The following RUNX2 variants were observed in gnomAD, a reference collection of about 807,000 sequenced individuals.
RUNX2 encodes RUNX family transcription factor 2.
RUNX2 carries 10 observed loss-of-function variants against 51.7 expected under a neutral mutation model. That is an observed-to-expected ratio of 0.19 (90% confidence interval 0.12 to 0.33). The LOEUF is 0.33. Ranked by LOEUF, RUNX2 falls within the 10% of genes least tolerant of loss-of-function variation. The probability of loss-of-function intolerance (pLI) is 1.00; values close to 1 mark genes in which losing one functional copy is unlikely to be tolerated. For missense variants in RUNX2, 562 were observed against 691.3 expected (o/e 0.81, Z 2.10); for synonymous variants, 276 against 273.6 (o/e 1.01, Z -0.09).
At chr6:45,343,057 T>A (rs1356623992) in intron 2 of RUNX2, among the ~76,000 whole-genome samples, 3 of 152,172 alleles carry the variant, frequency 2.0e-5, no homozygotes, top group Admixed American at 6.5e-5. Flanking sequence ...AAGTTTCCAG[T>A]TAAATAAAAT....
rs779082630 is a variant in RUNX2, at chr6:45,512,398, C to T, written c.1012C>T (p.Arg338Cys). 13 of 1,613,848 alleles carry T rather than the reference C, an allele frequency of 8.1e-6. No homozygotes were observed. The highest frequency in any genetic ancestry group is 6.7e-5 in the East Asian group (3 of 44,872). The change falls in exon 7 of 9, where the codon CGC (arginine) becomes TGC (cysteine). Residue 338 changes from arginine to cysteine, a missense_variant. By Grantham distance (180) the Arg-to-Cys change is radical. Around this residue, in one of 5 missense-constraint regions of RUNX2, gnomAD observed 304 missense variants for 353.2 expected, o/e 0.86. Transcript: ENST00000647337. ...TCCTGCCATCACCGATGTGCCTAGG[C>T]GCATTTCAGGTAAAGACCGTGCTTT... ...GLPAITDVPRRISDDDTATSD... is the reference protein window; with the variant it reads ...GLPAITDVPRCISDDDTATSD...
Position 45,432,062 on chromosome 6 carries a change from T to A in RUNX2, c.580+43T>A, listed in dbSNP as rs773194104. The A allele has an allele frequency of 8.8e-6, 14 of 1,584,468 alleles. No individual in the cohort carries two copies. The Admixed American group carries it at 2.4e-4, about 27-fold the overall frequency. ...GATACTGATAATAGAATAAGCACATTAGGCTCCTTTGATGAAATGTAGACT... is the reference window on the plus strand; with the variant it reads ...GATACTGATAATAGAATAAGCACATAAGGCTCCTTTGATGAAATGTAGACT... On this transcript the variant is annotated intron_variant, in intron 4 of 8. Transcript: ENST00000647337.
Position 45,480,609 on chromosome 6 carries a change from G to A in RUNX2, c.686-11332G>A, listed in dbSNP as rs1025183062. Among the ~76,000 whole-genome samples the A allele has an allele frequency of 9.8e-5, 15 of 152,344 alleles. 1 individual carries two copies. The highest frequency in any genetic ancestry group is 9.8e-4 in the Admixed American group (15 of 15,302). On this transcript the variant is annotated intron_variant, in intron 5 of 8. Transcript: ENST00000647337. ...TTCACTGGTTAGAAGACACTGACAT[G>A]TGCCTATGCACTGTATTAATGTCTA... is the stretch of plus-strand genomic sequence containing the variant.
chr6:45,448,158 G>A (rs1219119430), intron 5 of RUNX2, among the ~76,000 whole-genome samples: 1 of 152,226 alleles, frequency 6.6e-6, no homozygotes, highest in Non-Finnish European at 1.5e-5. Context: ...CAGAGGGAAT[G>A]TTCCTGCAGA....
chr6:45,424,234 C>T (rs3792952), intron 3 of RUNX2, among the ~76,000 whole-genome samples: 12,149 of 152,262 alleles, frequency 0.08, 712 homozygotes, highest in South Asian at 0.18. Context: ...CTCACAGTAG[C>T]CCGATGGCTC....
chr6:45,530,737 G>A (rs1250515842), intron 7 of RUNX2, among the ~76,000 whole-genome samples: 1 of 152,164 alleles, frequency 6.6e-6, no homozygotes, highest in Non-Finnish European at 1.5e-5. Flanking sequence ...CAGAGAGTGA[G>A]GGAATTAAAA....
intron 5 of RUNX2, among the ~76,000 whole-genome samples, chr6:45,469,298 T>C (rs1033206897): frequency 6.6e-6 from 1 of 152,240 alleles, no homozygotes; most frequent in Non-Finnish European, 1.5e-5. Flanking sequence ...AGTGAATGTT[T>C]ATCGGGTAAA....
In RUNX2 at chr6:45,530,524, C is replaced by T. The variant is rs905165726; in HGVS notation, c.1022-14693C>T. 3.3e-5 allele frequency among the ~76,000 whole-genome samples: 5 copies of T among 152,278 alleles called. No individual in the cohort carries two copies. The East Asian group carries it at 9.7e-4, about 29-fold the overall frequency. ...AGTATCCTATTGCATATGAAGAGGT[C>T]CATGGTCCAGTGCAGTTAGATGACA... On this transcript the variant is annotated intron_variant, in intron 7 of 8. Coordinates refer to ENST00000647337, the MANE Select transcript of RUNX2 (RefSeq NM_001024630.4).
intron 2 of RUNX2, among the ~76,000 whole-genome samples, chr6:45,372,343 G>T (rs192947614): frequency 6.6e-6 from 1 of 152,284 alleles, no homozygotes; most frequent in Non-Finnish European, 1.5e-5. Context: ...TGATGATGAT[G>T]ATTAACTCAT....
At chr6:45,331,126 TGCGCGCGCGCGCGCACATG>T (rs1418505294) in intron 2 of RUNX2, among the ~76,000 whole-genome samples, 1 of 132,916 alleles carries the variant, frequency 7.5e-6, no homozygotes, top group Non-Finnish European at 1.7e-5. Flanking sequence ...TGTGTGTGTG[TGCGCGCGCGCGCGCACATG>T]CTAGAGAAAG....
chr6:45,461,864 T>C (rs1799487047), intron 5 of RUNX2, among the ~76,000 whole-genome samples: 1 of 152,160 alleles, frequency 6.6e-6, no homozygotes. Flanking sequence ...GAATTATCGA[T>C]ATTAATTGGT....
In RUNX2 at chr6:45,536,910, G is replaced by A. The variant is rs142996048; in HGVS notation, c.1022-8307G>A. Among the ~76,000 whole-genome samples, 18 of 152,294 alleles carry A rather than the reference G, an allele frequency of 1.2e-4. No homozygotes were observed. The East Asian group carries it at 2.7e-3, about 23-fold the overall frequency. ...AGAGTTTGGCTGGACCTGCAGCTGG[G>A]TGTGTGGGGTTAATCACGAATTTCA... On this transcript the variant is annotated intron_variant, in intron 7 of 8. Transcript: ENST00000647337.
At position 45,454,942 on chromosome 6, in the gene RUNX2, C is replaced by T. The variant is rs139035724; in HGVS notation, c.685+16891C>T. On this transcript the variant is annotated intron_variant, in intron 5 of 8. Transcript: ENST00000647337. ...CAGCCTTGCCAACATAGTGAAACCC[C>T]GTCTCTACTAAAAATATAAAAATTT... is the stretch of plus-strand genomic sequence containing the variant. 5.3e-5 allele frequency among the ~76,000 whole-genome samples: 8 copies of T among 152,148 alleles called. No individual in the cohort carries two copies. The East Asian group carries it at 1.4e-3, about 26-fold the overall frequency.
intron 5 of RUNX2, among the ~76,000 whole-genome samples, chr6:45,438,711 T>A (rs1238684539): frequency 1.3e-5 from 2 of 152,186 alleles, no homozygotes; most frequent in African/African-American, 4.8e-5. Context: ...GCGCACATAA[T>A]CTACTTGGGC....
intron 2 of RUNX2, among the ~76,000 whole-genome samples, chr6:45,387,896 A>T (rs1797386026): frequency 6.6e-6 from 1 of 152,204 alleles, no homozygotes. Context: ...GCTTCAATAG[A>T]GTGGTAGGAA....
At chr6:45,423,065 C>T in intron 3 of RUNX2, 108 bp downstream of exon 3, 2 of 1,445,928 alleles carry the variant, frequency 1.4e-6, no homozygotes, top group South Asian at 1.2e-5. Context: ...AGACCTCCTG[C>T]CTTGGCGGCT....
intron 2 of RUNX2, among the ~76,000 whole-genome samples, chr6:45,363,488 T>C (rs995556737): frequency 2.0e-5 from 3 of 152,134 alleles, no homozygotes; most frequent in African/African-American, 4.8e-5. Flanking sequence ...CATTACACTG[T>C]AAGTTTGAAA....
intron 2 of RUNX2, among the ~76,000 whole-genome samples, chr6:45,350,831 A>T (rs1791855058): frequency 6.6e-6 from 1 of 152,178 alleles, no homozygotes; most frequent in African/African-American, 2.4e-5. Context: ...TTACATTTTC[A>T]GACGGATTTA....
In RUNX2 at chr6:45,546,197, A is replaced by C. The variant is rs77976621; in HGVS notation, c.1088-630A>C. 3.9e-5 allele frequency among the ~76,000 whole-genome samples: 6 copies of C among 152,178 alleles called. No individual in the cohort carries two copies. In the South Asian group the frequency reaches 1.0e-3, roughly 26 times the overall value. ...TCAAAACCGACTGATCTAGTAGCTT[A>C]TGACCCTCCCTATCCACCCCCAGAG... On this transcript the variant is annotated intron_variant, in intron 8 of 8. Coordinates refer to ENST00000647337, the MANE Select transcript of RUNX2 (RefSeq NM_001024630.4).
Sources: allele counts gnomAD v4.1 joint callset (sites outside exome capture counted in the v4.1 genomes callset), GRCh38; gene constraint gnomAD v4.1.1; regional missense constraint gnomAD v4.1.1; transcripts MANE v1.5; gene names NCBI Gene and HGNC (gene_info 2026-07-23, HGNC 2026-07-21).